Variants in IQGAP1 observed in about 807,000 individuals in gnomAD.
The protein encoded by IQGAP1 is ras GTPase-activating-like protein IQGAP1.
In IQGAP1, 66 loss-of-function variants were observed where a neutral mutation model predicts 215.6. That is an observed-to-expected ratio of 0.31 (90% CI 0.25 to 0.38). The LOEUF is 0.38. IQGAP1 is among the 10% of genes least tolerant of loss of function. IQGAP1 has a pLI of 1.00. For synonymous variants in IQGAP1, 772 were observed against 728.7 expected, an observed-to-expected ratio of 1.06 and a Z score of -0.96; for missense variants, 1,712 against 1,997.1, an observed-to-expected ratio of 0.86 and a Z score of 2.72.
rs1246424615 is a variant in IQGAP1, at chr15:90,437,400, G to A, written c.468-1932G>A. Among the ~76,000 whole-genome samples, 3 of 152,086 alleles carry A rather than the reference G, an allele frequency of 2.0e-5. No homozygotes were observed. In the South Asian group the frequency reaches 6.2e-4, roughly 31 times the overall value. ...AAAATTTCTTGTTCGCTATTTCCAA[G>A]TAGGAATAAATGAGAAAGAAATTCT... On this transcript the variant is annotated intron_variant, in intron 5 of 37. Transcript: ENST00000268182.
At position 90,390,760 on chromosome 15, in the gene IQGAP1, C is replaced by A; in HGVS notation, c.56-14C>A. The A allele has an allele frequency of 6.4e-7, 1 of 1,564,826 alleles. No individual in the cohort carries two copies. Among genetic ancestry groups the A allele is most frequent in the East Asian group, 2.2e-5 (1 of 44,574 alleles). On this transcript the variant is annotated splice_polypyrimidine_tract_variant and intron_variant, in intron 1 of 37. Transcript: ENST00000268182. Reference sequence around the variant, plus strand: ...ACAGATCCTGGTGTTTACATTCTTTCTTTTATGTTGTAGCTGTCCTGGATA... The same window carrying A: ...ACAGATCCTGGTGTTTACATTCTTTATTTTATGTTGTAGCTGTCCTGGATA...
In IQGAP1 at chr15:90,390,882, T is replaced by C; in HGVS notation, c.155+9T>C. ...TTGGAAGAAGCGAAGAGGTAAAGAT[T>C]GGCTGGCTGGAGAGAAGATTAAGAG... On this transcript the variant is annotated intron_variant, in intron 2 of 37. Coordinates refer to ENST00000268182, the MANE Select transcript of IQGAP1 (RefSeq NM_003870.4). 6.6e-7 allele frequency: 1 copy of C among 1,523,496 alleles called. No individual in the cohort carries two copies. The highest frequency in any genetic ancestry group is 1.1e-5 in the South Asian group (1 of 89,246). The allele number at this position is 1,523,496 out of a possible 1,614,324, so 94.4% of individuals were successfully genotyped here. A position where few individuals can be genotyped will look rare whatever the true frequency, so the allele number is the denominator to read the frequency against.
At chr15:90,433,131 C>G (rs151199362) in intron 4 of IQGAP1, among the ~76,000 whole-genome samples, 1 of 152,216 alleles carries the variant, frequency 6.6e-6, no homozygotes, top group Non-Finnish European at 1.5e-5. Flanking sequence ...TGGAAAAGTA[C>G]TTGTCTTCCA....
intron 2 of IQGAP1, among the ~76,000 whole-genome samples, chr15:90,419,439 A>G (rs1442956902): frequency 6.6e-6 from 1 of 152,214 alleles, no homozygotes; most frequent in Non-Finnish European, 1.5e-5. Context: ...CAGATCTGAC[A>G]TCACCTTTTT....
chr15:90,449,908 G>C (rs2151022690), intron 11 of IQGAP1, among the ~76,000 whole-genome samples: 1 of 152,288 alleles, frequency 6.6e-6, no homozygotes, highest in South Asian at 2.1e-4. Flanking sequence ...AAGAAGCACT[G>C]ACGTATGATA....
At chr15:90,469,774 G>A (rs573302521) in intron 18 of IQGAP1, among the ~76,000 whole-genome samples, 9 of 152,330 alleles carry the variant, frequency 5.9e-5, no homozygotes, top group African/African-American at 2.2e-4. Flanking sequence ...GACAGAAAGG[G>A]AAAGTTAAGG....
chr15:90,419,089 A>G (rs560518856), intron 2 of IQGAP1, among the ~76,000 whole-genome samples: 1 of 151,674 alleles, frequency 6.6e-6, no homozygotes, highest in Admixed American at 6.6e-5. Flanking sequence ...CTGAAAGTCA[A>G]GGCTGCAGTG....
At chr15:90,448,849 C>A in intron 10 of IQGAP1, 113 bp downstream of exon 10, 1 of 945,800 alleles carries the variant, frequency 1.1e-6, no homozygotes, top group Non-Finnish European at 1.4e-6. Context: ...ACGACTTTTT[C>A]CTCTGCATAT....
chr15:90,403,448 A>C (rs1411934235), intron 2 of IQGAP1, among the ~76,000 whole-genome samples: 5 of 152,216 alleles, frequency 3.3e-5, no homozygotes, highest in African/African-American at 1.2e-4. Context: ...TTTTCTTAGA[A>C]ATAGGTAATA....
rs1010155398 is a variant in IQGAP1, at chr15:90,476,981, TGTA to T, written c.2941-83_2941-81del. 21 of 1,397,314 alleles carry T rather than the reference TGTA, an allele frequency of 1.5e-5. No individual in the cohort carries two copies. The African/African-American group carries it at 2.4e-4, about 16-fold the overall frequency. 86.6% of individuals were successfully genotyped at this position (1,397,314 alleles called of 1,614,324 possible). A position where few individuals can be genotyped will look rare whatever the true frequency, so the allele number is the denominator to read the frequency against. ...TATTAATCTTTTTTCTCATATGTAT[TGTA>T]GTCCTTCAATTTTAAATAATTGAAT... is the stretch of plus-strand genomic sequence containing the variant. On this transcript the variant is annotated intron_variant, in intron 24 of 37. Coordinates refer to ENST00000268182, the MANE Select transcript of IQGAP1 (RefSeq NM_003870.4).
chr15:90,434,466 A>G (rs183953911), intron 5 of IQGAP1, among the ~76,000 whole-genome samples: 3 of 151,958 alleles, frequency 2.0e-5, no homozygotes, highest in Non-Finnish European at 4.4e-5. Flanking sequence ...TCATAATAAT[A>G]ATAATAATTT....
chr15:90,416,926 T>A (rs1204406044), intron 2 of IQGAP1, among the ~76,000 whole-genome samples: 2 of 152,180 alleles, frequency 1.3e-5, no homozygotes, highest in Non-Finnish European at 2.9e-5. Flanking sequence ...TGAGATGGTA[T>A]CTCGTTGTGG....
intron 2 of IQGAP1, among the ~76,000 whole-genome samples, chr15:90,414,856 C>T (rs114712158): frequency 0.012 from 1,817 of 152,224 alleles, 39 homozygotes; most frequent in African/African-American, 0.041. Context: ...ATGTTTCAAC[C>T]GTGAATTGCT....
chr15:90,423,367 G>C (rs1457909070), intron 2 of IQGAP1, among the ~76,000 whole-genome samples: 1 of 152,142 alleles, frequency 6.6e-6, no homozygotes, highest in African/African-American at 2.4e-5. Context: ...CCAAGTATCT[G>C]AGACTATAGG....
chr15:90,494,534 C>T, intron 35 of IQGAP1, 179 bp from the exon 36 acceptor site: 1 of 392,992 alleles, frequency 2.5e-6, no homozygotes, highest in Non-Finnish European at 4.6e-6. Context: ...AATATTTCCC[C>T]TGTTTTGCAG....
At chr15:90,441,039 A>G (rs1176670862) in intron 7 of IQGAP1, among the ~76,000 whole-genome samples, 1 of 152,032 alleles carries the variant, frequency 6.6e-6, no homozygotes, top group Non-Finnish European at 1.5e-5. Flanking sequence ...CCCAAGAGGC[A>G]GAGGTTGCAG....
chr15:90,409,265 T>C (rs1482788449), intron 2 of IQGAP1, among the ~76,000 whole-genome samples: 1 of 147,870 alleles, frequency 6.8e-6, no homozygotes, highest in Admixed American at 6.8e-5. Context: ...TTAGATAAGG[T>C]CTGGCTCTAT....
intron 2 of IQGAP1, among the ~76,000 whole-genome samples, chr15:90,420,212 T>C (rs1965113585): frequency 6.6e-6 from 1 of 152,198 alleles, no homozygotes; most frequent in Non-Finnish European, 1.5e-5. Context: ...CTTGCAATCT[T>C]ATTTAATCCT....
intron 22 of IQGAP1, 101 bp downstream of exon 22, chr15:90,474,234 T>G (rs1297371333): frequency 4.5e-6 from 5 of 1,102,010 alleles, no homozygotes; most frequent in Non-Finnish European, 6.5e-6. Context: ...AAGGCAAGGC[T>G]TGGGGGAGAG....
Sources: allele counts gnomAD v4.1 joint callset (sites outside exome capture counted in the v4.1 genomes callset), GRCh38; gene constraint gnomAD v4.1.1; transcripts MANE v1.5; gene names NCBI Gene and HGNC (gene_info 2026-07-23, HGNC 2026-07-21).